PTPRD: variants seen among roughly 807,000 people sequenced by gnomAD.
PTPRD encodes protein tyrosine phosphatase receptor type D.
A neutral mutation model predicts 214.5 loss-of-function variants in PTPRD; 34 were observed. The observed-to-expected ratio is 0.16, with a 90% CI of 0.12 to 0.21. The LOEUF (loss-of-function observed/expected upper bound fraction) is 0.21. PTPRD is among the 10% of genes least tolerant of loss of function. PTPRD has a pLI of 1.00. For synonymous variants in PTPRD, 1,128 were observed against 845.7 expected (o/e 1.33, Z -5.79); for missense variants, 2,545 against 2,398.7 (o/e 1.06, Z -1.27).
At chr9:9,991,758 G>A (rs1475356664) in intron 4 of PTPRD, among the ~76,000 whole-genome samples, 2 of 151,424 alleles carry the variant, frequency 1.3e-5, no homozygotes, top group African/African-American at 2.4e-5. Flanking sequence ...TTCACAAGAT[G>A]AATAGAACTT....
At chr9:10,227,700 T>C (rs150448719) in intron 3 of PTPRD, among the ~76,000 whole-genome samples, 4 of 152,148 alleles carry the variant, frequency 2.6e-5, no homozygotes, top group African/African-American at 9.6e-5. Context: ...AACAGAGACC[T>C]ATGTATTTTG....
Position 9,157,771 on chromosome 9 carries a change from C to T in PTPRD, c.-143+25533G>A, listed in dbSNP as rs149023113. On this transcript the variant is annotated intron_variant, in intron 10 of 45. Transcript: ENST00000381196. ...ACGTCCAGGATGTGCAGGTTTGTTA[C>T]GTAGGTAAACGTGTGCCACGGTGGT... Among the ~76,000 whole-genome samples, 858 of 152,148 alleles carry T rather than the reference C, an allele frequency of 5.6e-3. 6 individuals are homozygous for T. Among genetic ancestry groups the T allele is most frequent in the African/African-American group, 0.019 (797 of 41,492 alleles).
intron 4 of PTPRD, among the ~76,000 whole-genome samples, chr9:10,002,668 A>T (rs2096356483): frequency 6.6e-6 from 1 of 151,174 alleles, no homozygotes; most frequent in South Asian, 2.1e-4. Context: ...GTACCTAATG[A>T]CAGAGTCTCA....
chr9:9,590,760 G>C (rs1015871526), intron 7 of PTPRD, among the ~76,000 whole-genome samples: 4 of 152,000 alleles, frequency 2.6e-5, no homozygotes, highest in African/African-American at 9.7e-5. Flanking sequence ...ATCTAGAAAT[G>C]AAAAGTTTCT....
chr9:10,360,077 A>G (rs911773348), intron 2 of PTPRD, among the ~76,000 whole-genome samples: 2 of 152,218 alleles, frequency 1.3e-5, no homozygotes, highest in Admixed American at 6.5e-5. Context: ...TGCATTATGC[A>G]TAGAGTTCTA....
At chr9:10,056,412 G>A (rs1229540452) in intron 3 of PTPRD, among the ~76,000 whole-genome samples, 5 of 150,956 alleles carry the variant, frequency 3.3e-5, no homozygotes, top group East Asian at 1.9e-4. Context: ...GATACCCACA[G>A]GAGGATAACC....
intron 2 of PTPRD, among the ~76,000 whole-genome samples, chr9:10,430,089 G>A (rs12001636): frequency 0.031 from 4,660 of 151,964 alleles, 250 homozygotes; most frequent in African/African-American, 0.11. Flanking sequence ...CTCCATAAAT[G>A]CCTCAGCTTG....
chr9:9,946,702 T>C (rs896820091), intron 4 of PTPRD, among the ~76,000 whole-genome samples: 1 of 152,100 alleles, frequency 6.6e-6, no homozygotes, highest in African/African-American at 2.4e-5. Flanking sequence ...CTGGGAACTA[T>C]CTCGCACAAT....
At chr9:8,742,498 C>T (rs7867339) in intron 11 of PTPRD, among the ~76,000 whole-genome samples, 32,480 of 152,032 alleles carry the variant, frequency 0.21, 4,155 homozygotes, top group African/African-American at 0.37. Context: ...TGCAAAATAT[C>T]TGTAAAATAC....
At chr9:9,919,842 T>C (rs1182501449) in intron 5 of PTPRD, among the ~76,000 whole-genome samples, 3 of 152,200 alleles carry the variant, frequency 2.0e-5, no homozygotes, top group Non-Finnish European at 4.4e-5. Flanking sequence ...TTTGAATTCA[T>C]GTCTTACTAA....
At chr9:9,458,888 T>G (rs1334222532) in intron 8 of PTPRD, among the ~76,000 whole-genome samples, 4 of 151,988 alleles carry the variant, frequency 2.6e-5, no homozygotes, top group Non-Finnish European at 5.9e-5. Context: ...TGCAGTGATG[T>G]AAGATTGCAC....
chr9:10,384,971 C>T (rs1179468939), intron 2 of PTPRD, among the ~76,000 whole-genome samples: 2 of 151,576 alleles, frequency 1.3e-5, no homozygotes, highest in East Asian at 3.9e-4. Flanking sequence ...ACTTCCCTGG[C>T]TTCTCCTCTC....
At chr9:8,871,595 T>C (rs2098299755) in intron 11 of PTPRD, among the ~76,000 whole-genome samples, 1 of 152,168 alleles carries the variant, frequency 6.6e-6, no homozygotes, top group South Asian at 2.1e-4. Flanking sequence ...TCATGACCTT[T>C]GGAAGTAACT....
chr9:9,136,914 G>T (rs1473762022), intron 10 of PTPRD, among the ~76,000 whole-genome samples: 3 of 152,106 alleles, frequency 2.0e-5, no homozygotes, highest in African/African-American at 4.8e-5. Context: ...CAACTGGTAG[G>T]GGATTTACTC....
chr9:10,489,088 C>A (rs967565238), intron 2 of PTPRD, among the ~76,000 whole-genome samples: 15 of 152,124 alleles, frequency 9.9e-5, no homozygotes, highest in African/African-American at 3.6e-4. Flanking sequence ...GCCAGCAAGT[C>A]TAAGAGTCTC....
rs960662640 is a variant in PTPRD, at chr9:8,317,657, G to T, written c.*217C>A. ...AATCCTTCAGATGCCTCATCAGTCA[G>T]GATTCTCTTCATTATTTTTCAGGTT... On this transcript the variant is annotated 3_prime_UTR_variant, in exon 46 of 46. Coordinates refer to ENST00000381196, the MANE Select transcript of PTPRD (RefSeq NM_002839.4). 2.7e-5 allele frequency: 11 copies of T among 405,772 alleles called. No individual in the cohort carries two copies. Among genetic ancestry groups the T allele is most frequent in the Middle Eastern group, 7.1e-4 (1 of 1,406 alleles). 25.1% of individuals were successfully genotyped at this position (405,772 alleles called of 1,614,324 possible).
Position 10,383,992 on chromosome 9 carries a change from G to A in PTPRD, c.-599-42975C>T, listed in dbSNP as rs570166661. Among the ~76,000 whole-genome samples the A allele has an allele frequency of 2.7e-5, 4 of 150,376 alleles. No individual in the cohort carries two copies. In the East Asian group the frequency reaches 7.9e-4, roughly 30 times the overall value. On this transcript the variant is annotated intron_variant, in intron 2 of 45. Coordinates refer to ENST00000381196, the MANE Select transcript of PTPRD (RefSeq NM_002839.4). ...TCATTAAAGAGGGCAGGCACATGAA[G>A]ACAGAGAGGAGAAGGATGGTTACCA...
intron 14 of PTPRD, among the ~76,000 whole-genome samples, chr9:8,566,097 AAT>A (rs1491356306): frequency 1.1e-3 from 57 of 50,266 alleles, no homozygotes; most frequent in African/African-American, 3.9e-3. Flanking sequence ...CTGAATGCAA[AAT>A]ATGTGTGTGT....
intron 2 of PTPRD, among the ~76,000 whole-genome samples, chr9:10,466,180 T>C (rs2098992184): frequency 6.6e-6 from 1 of 152,216 alleles, no homozygotes; most frequent in Admixed American, 6.5e-5. Context: ...TTTATTATGA[T>C]TTCTCTGTTT....
Sources: gnomAD v4.1 joint callset for allele counts (sites outside exome capture counted in the v4.1 genomes callset) on GRCh38, gnomAD v4.1.1 for gene constraint, MANE v1.5 for transcripts, NCBI Gene and HGNC (gene_info 2026-07-23, HGNC 2026-07-21) for gene names.